PIWIL1: variants seen among roughly 807,000 people sequenced by gnomAD.
PIWIL1 encodes the protein piwi-like protein 1.
Under a neutral mutation model 114.4 loss-of-function variants are expected in PIWIL1, and 73 were observed. The ratio of observed to expected loss-of-function variants is 0.64; its 90% CI spans 0.53 to 0.78. PIWIL1 has a LOEUF of 0.78. Ranked by LOEUF, PIWIL1 falls within the 30% of genes least tolerant of loss-of-function variation. The pLI, the probability that PIWIL1 is intolerant of heterozygous loss-of-function variation, is 0.00. For missense variants in PIWIL1, 723 were observed against 1,063.1 expected (o/e 0.68, Z 4.45); for synonymous variants, 375 against 369.0 (o/e 1.02, Z -0.19).
chr12:130,349,936 C>T lies in PIWIL1; in HGVS notation c.1013C>T (p.Ser338Phe). The T allele has an allele frequency of 1.2e-6, 2 of 1,611,678 alleles. No homozygotes were observed. The highest frequency in any genetic ancestry group is 8.5e-7 in the Non-Finnish European group (1 of 1,178,150). ...PKSTFKKADG[S>F]EVSFLEYYRK... The stretch of plus-strand genomic sequence containing the variant: ...AGCACCTTTAAGAAAGCCGACGGCT[C>T]TGAAGTCAGCTTCTTAGAATACTAC... The change falls in exon 9 of 21, where the codon TCT (serine) becomes TTT (phenylalanine). Residue 338 changes from serine to phenylalanine, a missense_variant. Ser to Phe is a radical substitution (Grantham distance 155). This residue lies in a region of PIWIL1 where 298 missense variants were observed against 420.8 expected (regional missense o/e 0.71). Coordinates refer to ENST00000245255, the MANE Select transcript of PIWIL1 (RefSeq NM_004764.5).
At position 130,346,636 on chromosome 12, in the gene PIWIL1, A is replaced by G. The variant is rs747817176; in HGVS notation, c.531+52A>G. ...ATTTCCACTTCAAAGCAGAACTACC[A>G]CAATGTAAGATAGCTCACATGGCTT... On this transcript the variant is annotated intron_variant, in intron 5 of 20. Coordinates refer to ENST00000245255, the MANE Select transcript of PIWIL1 (RefSeq NM_004764.5). The G allele has an allele frequency of 2.8e-6, 4 of 1,416,610 alleles. No homozygotes were observed. The South Asian group carries it at 3.5e-5, about 12-fold the overall frequency. 87.8% of individuals were successfully genotyped at this position (1,416,610 alleles called of 1,614,324 possible).
the PIWIL1 span, among the ~76,000 whole-genome samples, chr12:130,421,979 C>G: frequency 6.6e-6 from 1 of 152,184 alleles, no homozygotes; most frequent in African/African-American, 2.4e-5. Flanking sequence ...GGGGAGCACA[C>G]ATTTCAGGGG....
the PIWIL1 span, among the ~76,000 whole-genome samples, chr12:130,385,907 A>G: frequency 6.6e-6 from 1 of 152,210 alleles, no homozygotes; most frequent in Non-Finnish European, 1.5e-5. Context: ...CTGAAATGAT[A>G]TTTAAGTTGC....
chr12:130,406,696 G>A, the PIWIL1 span, among the ~76,000 whole-genome samples: 1 of 152,196 alleles, frequency 6.6e-6, no homozygotes, highest in Non-Finnish European at 1.5e-5. Flanking sequence ...GCCCAGGCTG[G>A]AGTGCAGCAG....
At chr12:130,402,182 G>A in the PIWIL1 span, among the ~76,000 whole-genome samples, 1 of 152,160 alleles carries the variant, frequency 6.6e-6, no homozygotes, top group South Asian at 2.1e-4. Context: ...GGACTTGCTC[G>A]CGGTGTGAAT....
At chr12:130,421,691 A>ATATGTGTGTGTGTG in the PIWIL1 span, among the ~76,000 whole-genome samples, 1 of 147,188 alleles carries the variant, frequency 6.8e-6, no homozygotes, top group African/African-American at 2.5e-5. Context: ...CTGCATTTAT[A>ATATGTGTGTGTGTG]TGTGTGTGTG....
chr12:130,340,653 A>AGGGGGG (rs2072892260), intron 1 of PIWIL1, among the ~76,000 whole-genome samples: 1 of 29,810 alleles, frequency 3.4e-5, no homozygotes, highest in Non-Finnish European at 6.3e-5. Context: ...GGGTGGGGGG[A>AGGGGGG]GGGGGGTTGG....
intron 19 of PIWIL1, among the ~76,000 whole-genome samples, chr12:130,367,556 C>T (rs1045971579): frequency 3.9e-5 from 6 of 152,136 alleles, no homozygotes; most frequent in African/African-American, 1.2e-4. Flanking sequence ...ATATTTTTTA[C>T]GTACATAACC....
chr12:130,355,238 T>C (rs2073331943), intron 11 of PIWIL1, among the ~76,000 whole-genome samples: 1 of 152,246 alleles, frequency 6.6e-6, no homozygotes, highest in Non-Finnish European at 1.5e-5. Flanking sequence ...AACTCTTCCA[T>C]TAGCAAAAGG....
chr12:130,409,105 A>C, the PIWIL1 span, among the ~76,000 whole-genome samples: 1 of 152,206 alleles, frequency 6.6e-6, no homozygotes, highest in Admixed American at 6.5e-5. Flanking sequence ...ACATACATGT[A>C]CTTCTCACTG....
chr12:130,371,296 G>A lies in PIWIL1; in HGVS notation c.2442G>A (p.Lys814=). ...KPDHIQRLTY[K]LCHIYYNWPG... is the part of the protein sequence containing the mutation. ...ACCACATACAGCGCTTGACCTACAA[G>A]CTGTGCCACATCTATTACAACTGGC... Residue 814 remains lysine, a synonymous_variant, in exon 20 of 21, where the codon AAG becomes AAA. Transcript: ENST00000245255. 3 of 1,614,182 alleles carry A rather than the reference G, an allele frequency of 1.9e-6. No individual in the cohort carries two copies. Among genetic ancestry groups the A allele is most frequent in the Non-Finnish European group, 2.5e-6 (3 of 1,180,010 alleles).
chr12:130,343,039 A>AG lies in PIWIL1; in HGVS notation c.133dup (p.Glu45GlyfsTer40). 1 of 1,614,116 alleles carries AG rather than the reference A, an allele frequency of 6.2e-7. No individual in the cohort carries two copies. Among genetic ancestry groups the AG allele is most frequent in the Non-Finnish European group, 8.5e-7 (1 of 1,179,974 alleles). ...CCTAGGCCTCAGCCGCCACCAGCAG[A>AG]GGGGGAATTATTTGGCCGTGGACGG... On this transcript the variant is annotated frameshift_variant, in exon 3 of 21. Transcript: ENST00000245255. LOFTEE classifies it high-confidence loss of function.
At chr12:130,402,750 T>A in the PIWIL1 span, among the ~76,000 whole-genome samples, 3 of 152,326 alleles carry the variant, frequency 2.0e-5, no homozygotes, top group African/African-American at 7.2e-5. Flanking sequence ...CAGTTTTCTC[T>A]GTGCCCCAGT....
At chr12:130,409,504 G>T in the PIWIL1 span, among the ~76,000 whole-genome samples, 8 of 151,866 alleles carry the variant, frequency 5.3e-5, no homozygotes, top group African/African-American at 1.5e-4. Context: ...CACCACGCCC[G>T]GCTAATTTTT....
At chr12:130,360,874 A>G (rs1251007606) in intron 14 of PIWIL1, among the ~76,000 whole-genome samples, 1 of 152,228 alleles carries the variant, frequency 6.6e-6, no homozygotes, top group Non-Finnish European at 1.5e-5. Flanking sequence ...GTCACTTGTC[A>G]CTAAATTTTT....
Position 130,342,838 on chromosome 12 carries a change from G to T in PIWIL1, c.79-152G>T. On this transcript the variant is annotated intron_variant, in intron 2 of 20. Transcript: ENST00000245255. Reference sequence around the variant, plus strand: ...AAGCTGATTCGTGACTTTATTTGGTGACTCTTCTCTCAAATTTATTTTTAA... The same window carrying T: ...AAGCTGATTCGTGACTTTATTTGGTTACTCTTCTCTCAAATTTATTTTTAA... 3 of 722,992 alleles carry T rather than the reference G, an allele frequency of 4.1e-6. No individual in the cohort carries two copies. In the East Asian group the frequency reaches 8.1e-5, roughly 20 times the overall value. The allele number at this position is 722,992 out of a possible 1,614,324, so 44.8% of individuals were successfully genotyped here.
downstream of PIWIL1, among the ~76,000 whole-genome samples, chr12:130,374,003 C>G (rs951155278): frequency 6.6e-6 from 1 of 152,182 alleles, no homozygotes; most frequent in Admixed American, 6.5e-5. Context: ...CCCAAAGCTT[C>G]GTCTGACCAG....
chr12:130,395,809 T>C, the PIWIL1 span, among the ~76,000 whole-genome samples: 1 of 152,206 alleles, frequency 6.6e-6, no homozygotes, highest in African/African-American at 2.4e-5. Context: ...TTTGTTGTAT[T>C]ATGTTGCTGT....
At chr12:130,395,566 A>G in the PIWIL1 span, among the ~76,000 whole-genome samples, 1 of 152,206 alleles carries the variant, frequency 6.6e-6, no homozygotes, top group African/African-American at 2.4e-5. Context: ...AGTTCTGGAT[A>G]CTTTTTGTTA....
Sources: gnomAD v4.1 joint callset for allele counts (sites outside exome capture counted in the v4.1 genomes callset) on GRCh38, gnomAD v4.1.1 for gene constraint, gnomAD v4.1.1 regional missense constraint, MANE v1.5 for transcripts, NCBI Gene and HGNC (gene_info 2026-07-23, HGNC 2026-07-21) for gene names.